The following LRPPRC variants were observed in gnomAD, a reference collection of about 807,000 sequenced individuals.
LRPPRC encodes the protein leucine rich pentatricopeptide repeat containing, also known as leucine-rich PPR motif-containing protein, mitochondrial.
Under a neutral mutation model 180.3 loss-of-function variants are expected in LRPPRC, and 120 were observed. That is an observed-to-expected ratio of 0.67 (90% CI 0.57 to 0.77). The LOEUF (loss-of-function observed/expected upper bound fraction) is 0.77. Ranked by LOEUF, LRPPRC falls within the 30% of genes least tolerant of loss-of-function variation. The pLI is 0.00. For missense variants in LRPPRC, 2,012 were observed against 1,657.2 expected (o/e 1.21, Z -3.72); for synonymous variants, 723 against 600.0 (o/e 1.21, Z -3.00).
At chr2:43,890,795 A>G (rs1036059148) in intron 36 of LRPPRC, among the ~76,000 whole-genome samples, 7 of 152,254 alleles carry the variant, frequency 4.6e-5, no homozygotes, top group African/African-American at 1.7e-4. Flanking sequence ...GAAATATGTT[A>G]GGAGCCAAAT....
intron 1 of LRPPRC, among the ~76,000 whole-genome samples, chr2:43,988,148 G>A (rs1239145684): frequency 1.3e-5 from 2 of 150,804 alleles, no homozygotes; most frequent in South Asian, 2.1e-4. Context: ...GCTGAGGCAG[G>A]AGAACTGCTT....
chr2:43,952,812 T>C (rs1454447528), intron 14 of LRPPRC, among the ~76,000 whole-genome samples: 1 of 152,192 alleles, frequency 6.6e-6, no homozygotes, highest in Non-Finnish European at 1.5e-5. Context: ...CCATAAATTG[T>C]GAATGATCTC....
At chr2:43,943,577 T>C (rs1205705568) in intron 23 of LRPPRC, 110 bp downstream of exon 23, 3 of 877,956 alleles carry the variant, frequency 3.4e-6, no homozygotes, top group African/African-American at 1.7e-5. Flanking sequence ...CTGTGGTAAA[T>C]GACCTCCAAG....
At position 43,995,906 on chromosome 2, in the gene LRPPRC, G is replaced by A. The variant is rs1572599036; in HGVS notation, c.42C>T (p.Ala14=). The A allele has an allele frequency of 1.3e-6, 2 of 1,515,216 alleles. No homozygotes were observed. The highest frequency in any genetic ancestry group is 1.8e-6 in the Non-Finnish European group (2 of 1,139,250). 93.9% of individuals were successfully genotyped at this position (1,515,216 alleles called of 1,614,324 possible). A position where few individuals can be genotyped will look rare whatever the true frequency, so the allele number is the denominator to read the frequency against. The change falls in exon 1 of 38, where the codon GCC becomes GCT. Residue 14 remains alanine, a synonymous_variant. Transcript: ENST00000260665. ...AGAGCGGGAGGCGCGGGGCCGCCCCGGCACGCAGCAACCAACGCGCGGATC... is the reference window on the plus strand; with the variant it reads ...AGAGCGGGAGGCGCGGGGCCGCCCCAGCACGCAGCAACCAACGCGCGGATC... The part of the protein sequence containing the change: ...LLRSARWLLR[A]GAAPRLPLSL...
chr2:43,947,481 A>T, intron 19 of LRPPRC, 111 bp from the exon 20 acceptor site: 1 of 690,976 alleles, frequency 1.4e-6, no homozygotes, highest in Middle Eastern at 3.0e-4. Flanking sequence ...TAAATGTCAT[A>T]AATGCTATCA....
chr2:43,952,086 A>T (rs1311788474), intron 14 of LRPPRC, among the ~76,000 whole-genome samples: 2 of 151,862 alleles, frequency 1.3e-5, no homozygotes, highest in Admixed American at 6.6e-5. Context: ...CCAGCTACTC[A>T]GGAGGCTGAG....
At chr2:43,938,890 ACTAT>A (rs59538095) in intron 23 of LRPPRC, among the ~76,000 whole-genome samples, 25,062 of 152,096 alleles carry the variant, frequency 0.16, 2,234 homozygotes, top group Middle Eastern at 0.24. Context: ...ACGAGTGACA[ACTAT>A]CTATTTATCT....
rs200142913 is a variant in LRPPRC at position 43,948,393 on chromosome 2, G to T, written c.1842+19C>A. The T allele has an allele frequency of 8.7e-6, 13 of 1,502,188 alleles. No individual in the cohort carries two copies. The African/African-American group carries it at 1.5e-4, about 17-fold the overall frequency. 93.1% of individuals were successfully genotyped at this position (1,502,188 alleles called of 1,614,324 possible). On this transcript the variant is annotated intron_variant, in intron 17 of 37. Coordinates refer to ENST00000260665, the MANE Select transcript of LRPPRC (RefSeq NM_133259.4). ...TGTCAGGCAGGACAGGCATTATATA[G>T]CAAAAAACGAAATGGTACCATCTTC...
intron 1 of LRPPRC, among the ~76,000 whole-genome samples, chr2:43,984,663 A>AGCC (rs1389702829): frequency 6.6e-6 from 1 of 152,236 alleles, no homozygotes; most frequent in Non-Finnish European, 1.5e-5. Context: ...AGAGTTTCAC[A>AGCC]GCCTGGAGTA....
intron 36 of LRPPRC, among the ~76,000 whole-genome samples, chr2:43,893,452 T>G (rs1429690244): frequency 1.3e-5 from 2 of 152,234 alleles, no homozygotes; most frequent in Non-Finnish European, 1.5e-5. Flanking sequence ...ATCATCACCC[T>G]GATCATTCAG....
intron 27 of LRPPRC, among the ~76,000 whole-genome samples, chr2:43,922,862 A>G (rs1279068705): frequency 6.6e-6 from 1 of 152,224 alleles, no homozygotes; most frequent in Non-Finnish European, 1.5e-5. Flanking sequence ...CAGAAAGGAA[A>G]GGATTAGGGC....
At chr2:43,957,362 A>T in intron 14 of LRPPRC, 23 bp downstream of exon 14, 1 of 1,563,918 alleles carries the variant, frequency 6.4e-7, no homozygotes, top group Non-Finnish European at 8.8e-7. Flanking sequence ...TCAGGCAAGG[A>T]ACATTTAAGT....
chr2:43,918,348 C>T lies in LRPPRC; in HGVS notation c.2947G>A (p.Glu983Lys). Residue 983 changes from glutamate to lysine, a missense_variant, in exon 28 of 38, where the codon GAA (glutamate) becomes AAA (lysine). Coordinates refer to ENST00000260665, the MANE Select transcript of LRPPRC (RefSeq NM_133259.4). ...TTTTCACGAGGAATAACATTTTCTT[C>T]TTGGATTTTATTCCAGACTGCATCA... ...RADAVWNKIQEENVIPREKTL... is the reference protein window; with the variant it reads ...RADAVWNKIQKENVIPREKTL... The T allele has an allele frequency of 6.2e-7, 1 of 1,610,856 alleles. No homozygotes were observed. Among genetic ancestry groups the T allele is most frequent in the Non-Finnish European group, 8.5e-7 (1 of 1,177,104 alleles).
chr2:43,895,133 A>C (rs756083163), intron 35 of LRPPRC, among the ~76,000 whole-genome samples: 36 of 152,174 alleles, frequency 2.4e-4, no homozygotes, highest in Non-Finnish European at 2.1e-4. Flanking sequence ...TCCTGTAGCG[A>C]GTGAATACAG....
chr2:43,975,190 G>A lies in LRPPRC; in HGVS notation c.765C>T (p.Leu255=). 6.2e-7 allele frequency: 1 copy of A among 1,613,380 alleles called. No individual in the cohort carries two copies. ...AGDMENAENI[L]TVMRDAGIEP... ...CAATTCCGGCATCTCTCATCACTGT[G>A]AGAATGTTTTCTGCATTCTCCATAT... The change falls in exon 7 of 38, where the codon CTC becomes CTT. Residue 255 remains leucine (L), a synonymous_variant. Coordinates refer to ENST00000260665, the MANE Select transcript of LRPPRC (RefSeq NM_133259.4).
chr2:43,960,955 G>C (rs1015502524), intron 12 of LRPPRC, among the ~76,000 whole-genome samples: 5 of 151,962 alleles, frequency 3.3e-5, no homozygotes, highest in Admixed American at 6.6e-5. Context: ...AATATTTTGG[G>C]GCATACAGTT....
chr2:43,907,283 TATA>T (rs563961419), intron 30 of LRPPRC, among the ~76,000 whole-genome samples: 246 of 152,324 alleles, frequency 1.6e-3, no homozygotes, highest in African/African-American at 5.5e-3. Flanking sequence ...AGATCTATTC[TATA>T]ATAATATATC....
rs376485981 is a variant in LRPPRC, at chr2:43,973,904, T to C, written c.1156-4A>G. 13 of 1,573,732 alleles carry C rather than the reference T, an allele frequency of 8.3e-6. No homozygotes were observed. The highest frequency in any genetic ancestry group is 1.7e-4 in the Middle Eastern group (1 of 5,970). ...AGTCTGTTAGCTTCTCCACAGGCTG[T>C]GGGAAAAAAGTCACCACATTAGCTG... On this transcript the variant is annotated splice_region_variant and splice_polypyrimidine_tract_variant and intron_variant, in intron 9 of 37. Transcript: ENST00000260665.
intron 12 of LRPPRC, among the ~76,000 whole-genome samples, chr2:43,963,110 A>G (rs1240972841): frequency 6.6e-6 from 1 of 152,220 alleles, no homozygotes; most frequent in Non-Finnish European, 1.5e-5. Flanking sequence ...TTTAACCACT[A>G]TAAATGTTAT....
Sources: gnomAD v4.1 joint callset for allele counts (sites outside exome capture counted in the v4.1 genomes callset) on GRCh38, gnomAD v4.1.1 for gene constraint, MANE v1.5 for transcripts, NCBI Gene and HGNC (gene_info 2026-07-23, HGNC 2026-07-21) for gene names.